SV2C: variants seen among roughly 807,000 people sequenced by gnomAD.
The protein encoded by SV2C is solute carrier family 22 member B3.
SV2C carries 49 observed loss-of-function variants against 79.7 expected under a neutral mutation model. The observed-to-expected ratio is 0.61, with a 90% CI of 0.49 to 0.78. The LOEUF is 0.78. SV2C is among the 30% of genes least tolerant of loss of function. The pLI, the probability that SV2C is intolerant of heterozygous loss-of-function variation, is 0.00. For missense variants in SV2C, 833 were observed against 912.9 expected, an observed-to-expected ratio of 0.91 and a Z score of 1.13; for synonymous variants, 334 against 333.2, an observed-to-expected ratio of 1.00 and a Z score of -0.03.
chr5:75,972,158 C>T, the SV2C span, among the ~76,000 whole-genome samples: 3 of 152,076 alleles, frequency 2.0e-5, no homozygotes, highest in East Asian at 3.8e-4. Context: ...TTCCTTACAC[C>T]TTATACATAA....
chr5:76,278,687 G>T (rs1159755033), intron 4 of SV2C, among the ~76,000 whole-genome samples: 1 of 152,250 alleles, frequency 6.6e-6, no homozygotes, highest in Non-Finnish European at 1.5e-5. Flanking sequence ...ACTGGCTCAA[G>T]CCAGTTAGAG....
At chr5:76,016,096 C>G in the SV2C span, among the ~76,000 whole-genome samples, 1 of 151,880 alleles carries the variant, frequency 6.6e-6, no homozygotes, top group Non-Finnish European at 1.5e-5. Flanking sequence ...ACTAGTCTCT[C>G]TCCATCTTTC....
At chr5:76,123,035 G>A (rs191718300) in intron 1 of SV2C, among the ~76,000 whole-genome samples, 1 of 151,924 alleles carries the variant, frequency 6.6e-6, no homozygotes, top group Admixed American at 6.6e-5. Context: ...TGATAAAGGG[G>A]ATATGGGATA....
Position 76,131,601 on chromosome 5 carries a change from T to C in SV2C, c.-101-49T>C, listed in dbSNP as rs1748891739. 4 of 491,166 alleles carry C rather than the reference T, an allele frequency of 8.1e-6. No individual in the cohort carries two copies. The East Asian group carries it at 1.3e-4, about 16-fold the overall frequency. 30.4% of individuals were successfully genotyped at this position (491,166 alleles called of 1,614,324 possible). Reference sequence around the variant, plus strand: ...GTCAAGAAATAGACGGTAAAAAATATATATATAGAAAGGAATAATAAGTAT... The same window carrying C: ...GTCAAGAAATAGACGGTAAAAAATACATATATAGAAAGGAATAATAAGTAT... On this transcript the variant is annotated intron_variant, in intron 1 of 12. Coordinates refer to ENST00000502798, the MANE Select transcript of SV2C (RefSeq NM_014979.4).
chr5:75,862,130 C>T, the SV2C span, among the ~76,000 whole-genome samples: 1 of 152,230 alleles, frequency 6.6e-6, no homozygotes. Flanking sequence ...CTGAAAAAAC[C>T]TACTTACATC....
At chr5:76,223,464 T>C (rs866684533) in intron 4 of SV2C, among the ~76,000 whole-genome samples, 1,768 of 55,506 alleles carry the variant, frequency 0.032, 144 homozygotes, top group Admixed American at 0.15. Flanking sequence ...TATATATATA[T>C]ATATATATAT....
the SV2C span, among the ~76,000 whole-genome samples, chr5:76,056,955 T>C: frequency 6.6e-6 from 1 of 152,126 alleles, no homozygotes; most frequent in Non-Finnish European, 1.5e-5. Flanking sequence ...GTTCCTGGAT[T>C]CATTGATTTT....
At position 76,331,859 on chromosome 5, in the gene SV2C, G is replaced by C. The variant is rs1431886883; in HGVS notation, c.*6312G>C. 1 of 152,384 alleles carries C rather than the reference G, an allele frequency of 6.6e-6. No homozygotes were observed. The highest frequency in any genetic ancestry group is 1.5e-5 in the Non-Finnish European group (1 of 68,204). 9.4% of individuals were successfully genotyped at this position (152,384 alleles called of 1,614,324 possible). Reference sequence around the variant, plus strand: ...GTGTGAACGCAAGGCTGCTGGCTTTGGCACAGCTCCCTGTGCAGGGCTGGA... The same window carrying C: ...GTGTGAACGCAAGGCTGCTGGCTTTCGCACAGCTCCCTGTGCAGGGCTGGA... On this transcript the variant is annotated 3_prime_UTR_variant, in exon 13 of 13. Transcript: ENST00000502798.
chr5:75,888,819 TC>T, the SV2C span, among the ~76,000 whole-genome samples: 2 of 152,098 alleles, frequency 1.3e-5, no homozygotes, highest in Non-Finnish European at 2.9e-5. Context: ...ATACCTAGAA[TC>T]TTGCATATTA....
chr5:76,199,523 A>G (rs1453019717), intron 3 of SV2C, among the ~76,000 whole-genome samples: 2 of 152,216 alleles, frequency 1.3e-5, no homozygotes, highest in Non-Finnish European at 2.9e-5. Flanking sequence ...AGCACTTACA[A>G]CTGATGCCTG....
the SV2C span, among the ~76,000 whole-genome samples, chr5:75,865,208 C>T: frequency 6.6e-6 from 1 of 152,162 alleles, no homozygotes; most frequent in Non-Finnish European, 1.5e-5. Context: ...ATGAGAGCAA[C>T]TGAGGAATAA....
chr5:75,978,163 C>G, the SV2C span, among the ~76,000 whole-genome samples: 1 of 152,204 alleles, frequency 6.6e-6, no homozygotes, highest in Admixed American at 6.5e-5. Flanking sequence ...AATTCTCAGT[C>G]CTGTTCTTAT....
upstream of SV2C, chr5:76,078,650 A>C: frequency 2.4e-6 from 1 of 424,584 alleles, no homozygotes; most frequent in Middle Eastern, 7.6e-4. Context: ...TGGCACAGGG[A>C]GGGCCTCGCC....
intron 2 of SV2C, among the ~76,000 whole-genome samples, chr5:76,189,834 C>T (rs79966951): frequency 0.019 from 2,929 of 152,108 alleles, 90 homozygotes; most frequent in African/African-American, 0.067. Context: ...TTTTGTATTG[C>T]TCACATTGCA....
intron 4 of SV2C, among the ~76,000 whole-genome samples, chr5:76,277,761 A>G (rs1253592418): frequency 1.3e-5 from 2 of 152,114 alleles, no homozygotes; most frequent in African/African-American, 4.8e-5. Flanking sequence ...GTCTCAAAAA[A>G]AAAAAAAACA....
chr5:76,020,533 C>T, the SV2C span, among the ~76,000 whole-genome samples: 3 of 152,148 alleles, frequency 2.0e-5, no homozygotes, highest in Admixed American at 2.0e-4. Flanking sequence ...TAGCTCATCA[C>T]CTGGAAATCC....
At chr5:75,956,558 TA>T in the SV2C span, among the ~76,000 whole-genome samples, 1 of 151,810 alleles carries the variant, frequency 6.6e-6, no homozygotes, top group Non-Finnish European at 1.5e-5. Flanking sequence ...ATAATAATAA[TA>T]AAAAGAGCCT....
At chr5:76,235,329 G>T (rs1745579174) in intron 4 of SV2C, among the ~76,000 whole-genome samples, 1 of 152,110 alleles carries the variant, frequency 6.6e-6, no homozygotes, top group Non-Finnish European at 1.5e-5. Context: ...GGCCCCGTTA[G>T]ATTTTCTTTC....
At chr5:75,895,774 T>C in the SV2C span, among the ~76,000 whole-genome samples, 1 of 152,100 alleles carries the variant, frequency 6.6e-6, no homozygotes, top group Non-Finnish European at 1.5e-5. Flanking sequence ...GGTGACCTTT[T>C]CTGGATTATT....
Sources: allele counts gnomAD v4.1 joint callset (sites outside exome capture counted in the v4.1 genomes callset), GRCh38; gene constraint gnomAD v4.1.1; transcripts MANE v1.5; gene names NCBI Gene and HGNC (gene_info 2026-07-23, HGNC 2026-07-21).